Variants in IGSF21 observed in about 807,000 individuals in gnomAD.
The protein encoded by IGSF21 is immunoglobulin superfamily member 21.
IGSF21 carries 28 observed loss-of-function variants against 46.8 expected under a neutral mutation model. The ratio of observed to expected loss-of-function variants is 0.60; its 90% CI spans 0.44 to 0.82. IGSF21 has a LOEUF of 0.82. Ranked by LOEUF, IGSF21 falls within the 40% of genes least tolerant of loss-of-function variation. IGSF21 has a pLI of 0.00. For missense variants in IGSF21, 624 were observed against 665.5 expected, an observed-to-expected ratio of 0.94 and a Z score of 0.69; for synonymous variants, 284 against 273.6, an observed-to-expected ratio of 1.04 and a Z score of -0.38.
At chr1:18,177,609 G>C (rs2086815085) in intron 1 of IGSF21, among the ~76,000 whole-genome samples, 2 of 151,788 alleles carry the variant, frequency 1.3e-5, no homozygotes, top group Admixed American at 6.6e-5. Context: ...CACACTTACT[G>C]ATGTGGTGTG....
intron 1 of IGSF21, among the ~76,000 whole-genome samples, chr1:18,190,928 G>A (rs2086950343): frequency 6.6e-6 from 1 of 152,178 alleles, no homozygotes; most frequent in African/African-American, 2.4e-5. Context: ...TCGGGTGGGT[G>A]GAGGAGCTGG....
intron 3 of IGSF21, among the ~76,000 whole-genome samples, chr1:18,321,529 C>G (rs372935198): frequency 2.6e-5 from 4 of 152,316 alleles, no homozygotes; most frequent in African/African-American, 9.6e-5. Context: ...TCATTTCTCA[C>G]AGCTCTGGAG....
intron 1 of IGSF21, among the ~76,000 whole-genome samples, chr1:18,153,537 C>T (rs1304273840): frequency 1.3e-5 from 2 of 152,156 alleles, no homozygotes; most frequent in Non-Finnish European, 2.9e-5. Context: ...AGTCACTGCT[C>T]ATAAAACAGC....
At chr1:18,232,305 C>T (rs1267080865) in intron 2 of IGSF21, among the ~76,000 whole-genome samples, 2 of 148,168 alleles carry the variant, frequency 1.3e-5, no homozygotes, top group East Asian at 2.0e-4. Context: ...TAAGTTGGGA[C>T]TTGGTTCAAG....
rs566828147 is a variant in IGSF21 at position 18,132,528 on chromosome 1, T to C, written c.70+24330T>C. Among the ~76,000 whole-genome samples the C allele has an allele frequency of 2.6e-5, 4 of 152,352 alleles. No individual in the cohort carries two copies. In the East Asian group the frequency reaches 7.7e-4, roughly 29 times the overall value. On this transcript the variant is annotated intron_variant, in intron 1 of 9. Transcript: ENST00000251296. ...CCTGTAGGCAGAGGGATGGCCAAGA[T>C]GGCTGAGATATGAGCTAATTCCCAC...
intron 1 of IGSF21, among the ~76,000 whole-genome samples, chr1:18,135,872 C>T (rs2086364104): frequency 1.3e-5 from 2 of 152,162 alleles, no homozygotes; most frequent in South Asian, 4.1e-4. Context: ...GTTTACAGTC[C>T]CACCAGCAGT....
intron 2 of IGSF21, among the ~76,000 whole-genome samples, chr1:18,269,355 C>A (rs116127716): frequency 1.7e-3 from 263 of 152,270 alleles, no homozygotes; most frequent in Non-Finnish European, 2.9e-3. Flanking sequence ...AGGATCCAGA[C>A]AGCCTTGATC....
At chr1:18,232,209 C>CTTTTTTTTTT (rs55775011) in intron 2 of IGSF21, among the ~76,000 whole-genome samples, 3,213 of 104,960 alleles carry the variant, frequency 0.031, 253 homozygotes, top group South Asian at 0.091. Context: ...CTCCAGACAG[C>CTTTTTTTTTT]TTTTTTTTGG....
rs1419094212 is a variant in IGSF21 at position 18,337,078 on chromosome 1, A to G, written c.424+2068A>G. 6.6e-6 allele frequency among the ~76,000 whole-genome samples: 1 copy of G among 152,190 alleles called. No individual in the cohort carries two copies. Among genetic ancestry groups the G allele is most frequent in the African/African-American group, 2.4e-5 (1 of 41,450 alleles). Reference sequence around the variant, plus strand: ...AGTATAAGATGAGATTTGAGTTGGGACACAGCCAAACCATATCATGTATCA... The same window carrying G: ...AGTATAAGATGAGATTTGAGTTGGGGCACAGCCAAACCATATCATGTATCA... On this transcript the variant is annotated intron_variant, in intron 4 of 9. Coordinates refer to ENST00000251296, the MANE Select transcript of IGSF21 (RefSeq NM_032880.5). This position sits in a 1 kb window ranked among gnomAD's most constrained non-coding sequence, Gnocchi z 5.7.
At chr1:18,155,839 C>T (rs774611661) in intron 1 of IGSF21, among the ~76,000 whole-genome samples, 5 of 152,180 alleles carry the variant, frequency 3.3e-5, no homozygotes, top group Non-Finnish European at 5.9e-5. Flanking sequence ...ACCTGGGGTG[C>T]GCCATGCTCC....
At chr1:18,340,668 C>T (rs541895775) in intron 4 of IGSF21, among the ~76,000 whole-genome samples, 1 of 152,286 alleles carries the variant, frequency 6.6e-6, no homozygotes, top group East Asian at 1.9e-4. Flanking sequence ...AGTGTTAGTC[C>T]TAGAAGCCTG....
chr1:18,208,761 T>A (rs4920462), intron 1 of IGSF21, among the ~76,000 whole-genome samples: 104,089 of 151,712 alleles, frequency 0.69, 35,792 homozygotes, highest in East Asian at 0.73. Flanking sequence ...AAACTGAATG[T>A]CCTTCAATAG....
In IGSF21 at chr1:18,241,238, G is replaced by A. The variant is rs1221496332; in HGVS notation, c.183+13228G>A. Among the ~76,000 whole-genome samples, 5 of 152,204 alleles carry A rather than the reference G, an allele frequency of 3.3e-5. No homozygotes were observed. In the East Asian group the frequency reaches 9.6e-4, roughly 29 times the overall value. On this transcript the variant is annotated intron_variant, in intron 2 of 9. Transcript: ENST00000251296. ...ATGCCACACTGCTTTAAACACATCA[G>A]TGATGCCTTTCCATGGTTCTTAGGA...
At chr1:18,323,860 G>A (rs2085630134) in intron 3 of IGSF21, among the ~76,000 whole-genome samples, 1 of 152,036 alleles carries the variant, frequency 6.6e-6, no homozygotes, top group South Asian at 2.1e-4. Flanking sequence ...CTTTTTAAAG[G>A]CCCTGAAGAA....
chr1:18,318,810 A>G (rs956737613), intron 3 of IGSF21, among the ~76,000 whole-genome samples: 1 of 152,238 alleles, frequency 6.6e-6, no homozygotes, highest in East Asian at 1.9e-4. Context: ...TAAATCAATG[A>G]CAAATTATTG....
At chr1:18,230,602 C>T (rs935380718) in intron 2 of IGSF21, among the ~76,000 whole-genome samples, 5 of 151,956 alleles carry the variant, frequency 3.3e-5, no homozygotes, top group Non-Finnish European at 5.9e-5. Context: ...CCCACGTGCC[C>T]GCCTATGATG....
chr1:18,185,377 GGTTTCCAAGTATTAAA>G (rs2124472074), intron 1 of IGSF21, among the ~76,000 whole-genome samples: 1 of 152,264 alleles, frequency 6.6e-6, no homozygotes, highest in East Asian at 1.9e-4. Context: ...ATCTTCAAGT[GGTTTCCAAGTATTAAA>G]GTTAATGGTT....
chr1:18,370,293 A>G (rs2086211666), intron 6 of IGSF21, among the ~76,000 whole-genome samples: 1 of 152,242 alleles, frequency 6.6e-6, no homozygotes, highest in African/African-American at 2.4e-5. Context: ...GTCCAGAAAT[A>G]GATCTACATA....
chr1:18,359,245 T>C (rs1221147405), intron 4 of IGSF21, among the ~76,000 whole-genome samples: 1 of 143,148 alleles, frequency 7.0e-6, no homozygotes, highest in Non-Finnish European at 1.5e-5. Context: ...GCCAGTTCAC[T>C]CCAGCCTGGG....
Sources: allele counts gnomAD v4.1 joint callset (sites outside exome capture counted in the v4.1 genomes callset), GRCh38; gene constraint gnomAD v4.1.1; non-coding constraint Gnocchi (gnomAD v3.1); transcripts MANE v1.5; gene names NCBI Gene and HGNC (gene_info 2026-07-23, HGNC 2026-07-21).